Variants in BANK1 observed in about 807,000 individuals in gnomAD.
BANK1 encodes the protein B cell scaffold protein with ankyrin repeats 1, also known as B-cell scaffold protein with ankyrin repeats.
A neutral mutation model predicts 94.5 loss-of-function variants in BANK1; 95 were observed. That is an observed-to-expected ratio of 1.00 (90% CI 0.85 to 1.19). The LOEUF is 1.19. BANK1 is among the 50% of genes most tolerant of loss of function. The probability of loss-of-function intolerance (pLI) is 0.00; values close to 1 mark genes in which losing one functional copy is unlikely to be tolerated. For synonymous variants in BANK1, 334 were observed against 308.4 expected, an observed-to-expected ratio of 1.08 and a Z score of -0.87; for missense variants, 987 against 932.2, an observed-to-expected ratio of 1.06 and a Z score of -0.77.
intron 7 of BANK1, among the ~76,000 whole-genome samples, chr4:101,982,879 A>G (rs1725367632): frequency 6.6e-6 from 1 of 152,012 alleles, no homozygotes. Context: ...GGCTATATAT[A>G]TATATGTATA....
intron 2 of BANK1, among the ~76,000 whole-genome samples, chr4:101,849,025 C>A (rs1161172602): frequency 6.6e-6 from 1 of 152,194 alleles, no homozygotes; most frequent in Non-Finnish European, 1.5e-5. Flanking sequence ...TACTTCCCTG[C>A]ACTTAGCCCC....
At chr4:102,056,668 T>C (rs956164902) in intron 11 of BANK1, among the ~76,000 whole-genome samples, 3 of 151,362 alleles carry the variant, frequency 2.0e-5, no homozygotes, top group Non-Finnish European at 4.4e-5. Flanking sequence ...ATTTTCTAAG[T>C]GGTGGAGAAA....
At position 101,895,324 on chromosome 4, in the gene BANK1, A is replaced by T; in HGVS notation, c.923A>T (p.Asp308Val). Residue 308 changes from aspartate to valine, a missense_variant, in exon 6 of 17, where the codon GAT (aspartate) becomes GTT (valine). Physicochemically the swap from Asp to Val is radical, Grantham distance 152. Coordinates refer to ENST00000322953, the MANE Select transcript of BANK1 (RefSeq NM_017935.5). Reference protein sequence around the residue: ...SLCQNSIEELDGVLTSIFKHE... With the variant: ...SLCQNSIEELVGVLTSIFKHE... ...AAACAGAATAGCATTGAAGAACTTG[A>T]TGGTGTCCTTACATCCATATTCAAA... 2 of 1,586,208 alleles carry T rather than the reference A, an allele frequency of 1.3e-6. No homozygotes were observed. Among genetic ancestry groups the T allele is most frequent in the Non-Finnish European group, 1.7e-6 (2 of 1,165,642 alleles).
chr4:101,908,711 A>G (rs987515246), intron 6 of BANK1, among the ~76,000 whole-genome samples: 1 of 152,164 alleles, frequency 6.6e-6, no homozygotes, highest in Non-Finnish European at 1.5e-5. Context: ...AATTTACAAG[A>G]AAAAAACAAA....
At chr4:102,026,829 A>T (rs1357365182) in intron 9 of BANK1, among the ~76,000 whole-genome samples, 1 of 151,940 alleles carries the variant, frequency 6.6e-6, no homozygotes, top group Non-Finnish European at 1.5e-5. Flanking sequence ...TCTCAAAAAA[A>T]AAAAAAAAAA....
At chr4:102,049,739 T>G (rs1727987865) in intron 11 of BANK1, among the ~76,000 whole-genome samples, 1 of 152,148 alleles carries the variant, frequency 6.6e-6, no homozygotes, top group South Asian at 2.1e-4. Context: ...AGGCAGTCTC[T>G]TAATAGACAG....
intron 1 of BANK1, among the ~76,000 whole-genome samples, chr4:101,798,436 C>T (rs1725235725): frequency 6.6e-6 from 1 of 152,112 alleles, no homozygotes. Flanking sequence ...CCATGAATTC[C>T]ATTAGTAATA....
chr4:102,023,520 A>G (rs1402491871), intron 8 of BANK1, among the ~76,000 whole-genome samples: 1 of 152,184 alleles, frequency 6.6e-6, no homozygotes, highest in East Asian at 1.9e-4. Context: ...ACTCTCTTGT[A>G]TATGAAACTG....
rs748093855 is a variant in BANK1 at position 102,071,295 on chromosome 4, C to T, written c.2233C>T (p.His745Tyr). 189 of 1,613,738 alleles carry T rather than the reference C, an allele frequency of 1.2e-4. No individual in the cohort carries two copies. The highest frequency in any genetic ancestry group is 1.6e-4 in the Non-Finnish European group (184 of 1,179,842). ...TCCAGATAAACTCACCATTGTGCAC[C>T]ATCCAGGTGGTAAGTGCTTGGTATT... ...NVYNKLTIVH[H>Y]PGGKETAHNE... Residue 745 changes from histidine (H) to tyrosine (Y), a missense_variant, in exon 14 of 17, where the codon CAT becomes TAT. Transcript: ENST00000322953.
chr4:101,833,535 T>C (rs1206038307), intron 2 of BANK1, among the ~76,000 whole-genome samples: 1 of 152,228 alleles, frequency 6.6e-6, no homozygotes, highest in African/African-American at 2.4e-5. Flanking sequence ...CCTCAAATTG[T>C]TGCCTCATAT....
intron 7 of BANK1, among the ~76,000 whole-genome samples, chr4:101,982,459 A>G (rs1405941985): frequency 6.6e-6 from 1 of 151,966 alleles, no homozygotes; most frequent in Non-Finnish European, 1.5e-5. Context: ...TGTGCTATTT[A>G]TCATACCTAA....
chr4:101,876,004 T>A (rs1728476205), intron 5 of BANK1, among the ~76,000 whole-genome samples: 1 of 152,066 alleles, frequency 6.6e-6, no homozygotes, highest in Non-Finnish European at 1.5e-5. Context: ...CCCTTCCCTC[T>A]GCTTTAGGAA....
intron 6 of BANK1, among the ~76,000 whole-genome samples, chr4:101,900,711 G>A (rs893455547): frequency 1.3e-5 from 2 of 152,168 alleles, no homozygotes; most frequent in African/African-American, 4.8e-5. Flanking sequence ...CTGAAATAGA[G>A]GTGCTATGGC....
At chr4:102,016,028 T>A (rs1188737562) in intron 7 of BANK1, among the ~76,000 whole-genome samples, 1 of 151,952 alleles carries the variant, frequency 6.6e-6, no homozygotes, top group African/African-American at 2.4e-5. Context: ...ACTAAAACCA[T>A]CCACGAAGTA....
Position 102,025,518 on chromosome 4 carries a change from A to G in BANK1, c.1594+9A>G, listed in dbSNP as rs771757005. On this transcript the variant is annotated intron_variant, in intron 9 of 16. Transcript: ENST00000322953. ...TCACTTCACCTTACCAGGTAAGTTT[A>G]AGGTTAGAAAAAAACAAAACAAAAC... is the stretch of plus-strand genomic sequence containing the variant. 27 of 1,610,376 alleles carry G rather than the reference A, an allele frequency of 1.7e-5. No homozygotes were observed. The highest frequency in any genetic ancestry group is 2.1e-5 in the Non-Finnish European group (25 of 1,178,508).
intron 5 of BANK1, among the ~76,000 whole-genome samples, chr4:101,890,850 A>G (rs1721842115): frequency 6.6e-6 from 1 of 151,354 alleles, no homozygotes; most frequent in Non-Finnish European, 1.5e-5. Flanking sequence ...ATTATATTAT[A>G]TATACAAAAC....
chr4:101,869,829 G>C (rs1728216407), intron 4 of BANK1, among the ~76,000 whole-genome samples: 1 of 151,822 alleles, frequency 6.6e-6, no homozygotes, highest in African/African-American at 2.4e-5. Flanking sequence ...TGAAATGATT[G>C]TTTATTGATA....
At chr4:101,953,804 AATG>A (rs1173815627) in intron 7 of BANK1, among the ~76,000 whole-genome samples, 6 of 152,110 alleles carry the variant, frequency 3.9e-5, no homozygotes, top group African/African-American at 1.4e-4. Flanking sequence ...ATGTTTTGTG[AATG>A]ATAAGATAGT....
chr4:101,936,381 A>G (rs570200691), intron 7 of BANK1, among the ~76,000 whole-genome samples: 2 of 150,034 alleles, frequency 1.3e-5, no homozygotes, highest in African/African-American at 4.9e-5. Flanking sequence ...GTGTGCATAC[A>G]TGCATACATG....
Sources: gnomAD v4.1 joint callset for allele counts (sites outside exome capture counted in the v4.1 genomes callset) on GRCh38, gnomAD v4.1.1 for gene constraint, MANE v1.5 for transcripts, NCBI Gene and HGNC (gene_info 2026-07-23, HGNC 2026-07-21) for gene names.